The following TUSC3 variants were observed in gnomAD, a reference collection of about 807,000 sequenced individuals.
TUSC3 encodes tumor suppressor candidate 3.
Under a neutral mutation model 44.8 loss-of-function variants are expected in TUSC3, and 45 were observed. The ratio of observed to expected loss-of-function variants is 1.00; its 90% CI spans 0.79 to 1.29. TUSC3 has a LOEUF of 1.29. Among genes scored for constraint, TUSC3 ranks in the 50% most tolerant of loss-of-function variants. The probability of loss-of-function intolerance (pLI) is 0.00; values close to 1 mark genes in which losing one functional copy is unlikely to be tolerated. For missense variants in TUSC3, 519 were observed against 437.9 expected, an observed-to-expected ratio of 1.19 and a Z score of -1.65; for synonymous variants, 212 against 152.9, an observed-to-expected ratio of 1.39 and a Z score of -2.85.
At chr8:15,468,110 C>T (rs1303397209) in intron 1 of TUSC3, among the ~76,000 whole-genome samples, 2 of 152,088 alleles carry the variant, frequency 1.3e-5, no homozygotes, top group Admixed American at 1.3e-4. Context: ...TAAATGTATT[C>T]TTGATGAGTC....
At chr8:15,775,974 G>A in the TUSC3 span, among the ~76,000 whole-genome samples, 1 of 151,904 alleles carries the variant, frequency 6.6e-6, no homozygotes, top group South Asian at 2.1e-4. Flanking sequence ...TAATGGGGAT[G>A]AGGTTAATAA....
chr8:15,430,552 C>T (rs1799859676), intron 1 of TUSC3, among the ~76,000 whole-genome samples: 1 of 151,070 alleles, frequency 6.6e-6, no homozygotes, highest in African/African-American at 2.5e-5. Context: ...GGAAGCATTC[C>T]CTTTGCAAAC....
At chr8:15,770,317 C>G (rs1477882125), downstream of TUSC3, among the ~76,000 whole-genome samples, 2 of 152,170 alleles carry the variant, frequency 1.3e-5, no homozygotes, top group African/African-American at 4.8e-5. Flanking sequence ...AACAGAAAAC[C>G]AAACACCGCG....
intron 1 of TUSC3, among the ~76,000 whole-genome samples, chr8:15,563,136 A>G (rs1249952576): frequency 6.6e-6 from 1 of 152,168 alleles, no homozygotes; most frequent in Non-Finnish European, 1.5e-5. Context: ...ATGACAGTCA[A>G]TGTATGGGAC....
intron 3 of TUSC3, chr8:15,651,101 GC>G (rs1806883996): frequency 3.1e-6 from 1 of 325,444 alleles, no homozygotes; most frequent in Admixed American, 4.6e-5. Context: ...CATAATTATG[GC>G]TAAACTTATT....
chr8:15,442,286 G>A (rs7826712), intron 1 of TUSC3, among the ~76,000 whole-genome samples: 24,708 of 151,700 alleles, frequency 0.16, 2,091 homozygotes, highest in Middle Eastern at 0.23. Context: ...ATTTCTCTAA[G>A]AAAGTAATCT....
At chr8:15,605,597 C>T (rs1049453514) in intron 1 of TUSC3, among the ~76,000 whole-genome samples, 25 of 151,630 alleles carry the variant, frequency 1.6e-4, no homozygotes, top group African/African-American at 6.0e-4. Context: ...GACTGCATTG[C>T]CTTACAAATA....
At chr8:15,577,068 A>G (rs1324356933) in intron 1 of TUSC3, among the ~76,000 whole-genome samples, 11 of 139,886 alleles carry the variant, frequency 7.9e-5, no homozygotes, top group South Asian at 2.5e-4. Flanking sequence ...GCCAGTGATG[A>G]TGAGCATTTT....
At chr8:15,417,290 C>G (rs374857159) in exon 1 of TUSC3, 2 of 152,538 alleles carry the variant, frequency 1.3e-5, no homozygotes, top group Non-Finnish European at 2.9e-5. Context: ...ATGCTTCCTG[C>G]ATAGCCTGCA....
chr8:15,540,511 C>T lies in TUSC3; in HGVS notation c.81C>T (p.Phe27=). ...ACCTGCCCACCGGGAGCTTTCCCTTCCTTCTCCTGCTGCTGCTGCTCTGCA... is the reference window on the plus strand; with the variant it reads ...ACCTGCCCACCGGGAGCTTTCCCTTTCTTCTCCTGCTGCTGCTGCTCTGCA... ...LRYLPTGSFP[F]LLLLLLLCIQ... Residue 27 remains phenylalanine (F), a synonymous_variant, in exon 1 of 11, where the codon TTC becomes TTT. Transcript: ENST00000503731. The T allele has an allele frequency of 6.2e-7, 1 of 1,608,316 alleles. No individual in the cohort carries two copies. Among genetic ancestry groups the T allele is most frequent in the Non-Finnish European group, 8.5e-7 (1 of 1,177,884 alleles).
intron 4 of TUSC3, 142 bp from the exon 5 acceptor site, chr8:15,662,014 A>G: frequency 2.3e-6 from 2 of 868,942 alleles, no homozygotes; most frequent in Non-Finnish European, 3.7e-6. Flanking sequence ...TGGCAGAATG[A>G]AAGTAGTGCT....
At chr8:15,515,247 A>G (rs902418229) in intron 2 of TUSC3, among the ~76,000 whole-genome samples, 2 of 152,172 alleles carry the variant, frequency 1.3e-5, no homozygotes, top group African/African-American at 4.8e-5. Context: ...TCCAAGGACA[A>G]CTAAAAAATG....
the TUSC3 span, among the ~76,000 whole-genome samples, chr8:15,812,590 G>A: frequency 6.6e-6 from 1 of 152,164 alleles, no homozygotes; most frequent in East Asian, 1.9e-4. Flanking sequence ...CTGGCCGTCT[G>A]AACTCAACGG....
At chr8:15,644,709 C>G (rs1250117085) in intron 2 of TUSC3, among the ~76,000 whole-genome samples, 4 of 151,430 alleles carry the variant, frequency 2.6e-5, no homozygotes, top group African/African-American at 4.9e-5. Context: ...TCTAATGAAT[C>G]TTTTGTACTC....
At chr8:15,818,491 G>C in the TUSC3 span, among the ~76,000 whole-genome samples, 1 of 152,104 alleles carries the variant, frequency 6.6e-6, no homozygotes, top group Non-Finnish European at 1.5e-5. Flanking sequence ...TGTACAGCTT[G>C]AATTTTGTCA....
At chr8:15,824,650 C>T in the TUSC3 span, among the ~76,000 whole-genome samples, 1 of 152,016 alleles carries the variant, frequency 6.6e-6, no homozygotes, top group South Asian at 2.1e-4. Context: ...GGAGATATAC[C>T]TAATGTTAAA....
intron 2 of TUSC3, among the ~76,000 whole-genome samples, chr8:15,521,620 C>CG (rs1563273029): frequency 6.7e-6 from 1 of 149,766 alleles, no homozygotes; most frequent in African/African-American, 2.5e-5. Context: ...TTACCCCCCC[C>CG]AAAAAAAGGT....
the TUSC3 span, among the ~76,000 whole-genome samples, chr8:15,789,281 G>A: frequency 2.0e-5 from 3 of 152,142 alleles, no homozygotes; most frequent in African/African-American, 7.2e-5. Flanking sequence ...ACCGTAATAT[G>A]GATCTGATAT....
chr8:15,789,279 A>G, the TUSC3 span, among the ~76,000 whole-genome samples: 1 of 152,206 alleles, frequency 6.6e-6, no homozygotes, highest in African/African-American at 2.4e-5. Context: ...GTACCGTAAT[A>G]TGGATCTGAT....
Sources: allele counts gnomAD v4.1 joint callset (sites outside exome capture counted in the v4.1 genomes callset), GRCh38; gene constraint gnomAD v4.1.1; transcripts MANE v1.5; gene names NCBI Gene and HGNC (gene_info 2026-07-23, HGNC 2026-07-21).